ADAM22: variants seen among roughly 807,000 people sequenced by gnomAD.
ADAM22 encodes ADAM metallopeptidase domain 22, also known as disintegrin and metalloproteinase domain-containing protein 22.
Under a neutral mutation model 144.6 loss-of-function variants are expected in ADAM22, and 65 were observed. That is an observed-to-expected ratio of 0.45 (90% CI 0.37 to 0.55). ADAM22 has a LOEUF of 0.55. Ranked by LOEUF, ADAM22 falls within the 20% of genes least tolerant of loss-of-function variation. The pLI, the probability that ADAM22 is intolerant of heterozygous loss-of-function variation, is 0.00. For synonymous variants in ADAM22, 391 were observed against 412.6 expected (o/e 0.95, Z 0.63); for missense variants, 974 against 1,184.9 (o/e 0.82, Z 2.61).
At chr7:88,075,760 T>A in intron 4 of ADAM22, 68 bp downstream of exon 4, 1 of 1,133,948 alleles carries the variant, frequency 8.8e-7, no homozygotes, top group Non-Finnish European at 1.3e-6. Flanking sequence ...ATTATTATTT[T>A]AATTTTCAAT....
intron 4 of ADAM22, among the ~76,000 whole-genome samples, chr7:88,100,203 C>G (rs544921976): frequency 6.6e-6 from 1 of 151,994 alleles, no homozygotes; most frequent in South Asian, 2.1e-4. Context: ...AAAAGGAAAA[C>G]AGTTGATATT....
chr7:88,055,299 A>G (rs1807894069), intron 3 of ADAM22, among the ~76,000 whole-genome samples: 2 of 151,992 alleles, frequency 1.3e-5, no homozygotes, highest in Admixed American at 6.6e-5. Flanking sequence ...CAGGAGACCA[A>G]GGTGACAGGG....
chr7:88,145,769 A>G (rs1836217927), intron 17 of ADAM22, among the ~76,000 whole-genome samples: 1 of 152,182 alleles, frequency 6.6e-6, no homozygotes, highest in South Asian at 2.1e-4. Flanking sequence ...TTGGGGAACT[A>G]GGGCCTGAAC....
intron 5 of ADAM22, among the ~76,000 whole-genome samples, chr7:88,113,871 C>T (rs1585852732): frequency 6.6e-6 from 1 of 150,704 alleles, no homozygotes; most frequent in Non-Finnish European, 1.5e-5. Context: ...TGAAGGAATG[C>T]ATGAATGGAG....
intron 6 of ADAM22, among the ~76,000 whole-genome samples, chr7:88,115,121 T>C (rs1827412846): frequency 2.6e-5 from 4 of 152,286 alleles, no homozygotes; most frequent in African/African-American, 4.8e-5. Flanking sequence ...GGCATGCGCC[T>C]GTAATCCCAG....
At chr7:88,110,313 C>A (rs1221672803) in intron 5 of ADAM22, among the ~76,000 whole-genome samples, 1 of 152,138 alleles carries the variant, frequency 6.6e-6, no homozygotes, top group Non-Finnish European at 1.5e-5. Flanking sequence ...TTTGTGACAG[C>A]AAGTGTATAT....
intron 3 of ADAM22, among the ~76,000 whole-genome samples, chr7:88,006,501 A>G (rs1014751007): frequency 6.6e-6 from 1 of 152,156 alleles, no homozygotes; most frequent in Admixed American, 6.5e-5. Context: ...AAAAATCCTC[A>G]GTAAAATACT....
chr7:87,944,935 G>A (rs1009381448), intron 2 of ADAM22, among the ~76,000 whole-genome samples: 2 of 137,830 alleles, frequency 1.5e-5, no homozygotes, highest in Non-Finnish European at 3.1e-5. Flanking sequence ...ATATGTGTGT[G>A]TTTTTTTCTT....
intron 24 of ADAM22, among the ~76,000 whole-genome samples, chr7:88,166,186 A>G (rs1401084653): frequency 6.6e-6 from 1 of 152,004 alleles, no homozygotes; most frequent in Non-Finnish European, 1.5e-5. Flanking sequence ...TCATTCTGAG[A>G]TTTTTCTGAG....
At chr7:88,037,651 GTAT>G (rs1801841194) in intron 3 of ADAM22, among the ~76,000 whole-genome samples, 1 of 151,192 alleles carries the variant, frequency 6.6e-6, no homozygotes, top group Non-Finnish European at 1.5e-5. Flanking sequence ...TTTCATAACT[GTAT>G]CTGTATGTTA....
chr7:88,133,059 C>A, intron 12 of ADAM22, 108 bp downstream of exon 12: 2 of 979,874 alleles, frequency 2.0e-6, no homozygotes, highest in Non-Finnish European at 3.1e-6. Context: ...TGTTAGATTG[C>A]TATATTACAA....
intron 3 of ADAM22, among the ~76,000 whole-genome samples, chr7:87,991,352 A>ATTTTTTT (rs10549124): frequency 1.2e-5 from 1 of 86,036 alleles, no homozygotes; most frequent in Non-Finnish European, 2.1e-5. Flanking sequence ...CACTAGCCTT[A>ATTTTTTT]TTTTTTTTTT....
At chr7:88,082,408 A>G in intron 4 of ADAM22, among the ~76,000 whole-genome samples, 1 of 152,332 alleles carries the variant, frequency 6.6e-6, no homozygotes, top group South Asian at 2.1e-4. Flanking sequence ...AGGCAATACC[A>G]TTCAGGACAT....
At chr7:88,046,709 T>G (rs1055922430) in intron 3 of ADAM22, among the ~76,000 whole-genome samples, 2 of 152,226 alleles carry the variant, frequency 1.3e-5, no homozygotes, top group African/African-American at 4.8e-5. Flanking sequence ...GGTCTGTGTT[T>G]AAGTCTTTAG....
intron 2 of ADAM22, among the ~76,000 whole-genome samples, chr7:87,958,823 A>G (rs1050595090): frequency 2.0e-5 from 3 of 151,748 alleles, no homozygotes; most frequent in African/African-American, 7.3e-5. Flanking sequence ...TGCGTTCCCC[A>G]TTTTTCAATT....
intron 9 of ADAM22, among the ~76,000 whole-genome samples, chr7:88,129,638 C>A (rs910745977): frequency 9.2e-5 from 14 of 151,928 alleles, no homozygotes. Context: ...TAGATCGTCA[C>A]AAATTCAGAT....
In ADAM22 at chr7:88,195,886, G is replaced by A. The variant is rs548622151; in HGVS notation, c.2875-585G>A. On this transcript the variant is annotated intron_variant, in intron 31 of 31. Coordinates refer to ENST00000413139, the MANE Select transcript of ADAM22 (RefSeq NM_001324418.2). ...TGGCAGTGATTTTCAAGTGGGTGATGGTGGAATTGATGGAATCACACTTCC... is the reference window on the plus strand; with the variant it reads ...TGGCAGTGATTTTCAAGTGGGTGATAGTGGAATTGATGGAATCACACTTCC... 3.3e-5 allele frequency among the ~76,000 whole-genome samples: 5 copies of A among 152,114 alleles called. No homozygotes were observed. In the South Asian group the frequency reaches 1.0e-3, roughly 32 times the overall value.
chr7:88,005,163 G>T (rs1793502952), intron 3 of ADAM22, among the ~76,000 whole-genome samples: 1 of 152,052 alleles, frequency 6.6e-6, no homozygotes, highest in Admixed American at 6.6e-5. Context: ...AAATAATTGT[G>T]CCCTGTGTTC....
chr7:88,153,406 C>A, intron 21 of ADAM22, 80 bp downstream of exon 21: 1 of 1,128,212 alleles, frequency 8.9e-7, no homozygotes, highest in Non-Finnish European at 1.3e-6. Context: ...GAAGTTTCTG[C>A]TTTCTGCATC....
Sources: allele counts gnomAD v4.1 joint callset (sites outside exome capture counted in the v4.1 genomes callset), GRCh38; gene constraint gnomAD v4.1.1; transcripts MANE v1.5; gene names NCBI Gene and HGNC (gene_info 2026-07-23, HGNC 2026-07-21).